The following GLIS3 variants were observed in gnomAD, a reference collection of about 807,000 sequenced individuals.
GLIS3 encodes the protein zinc finger protein GLIS3.
Under a neutral mutation model 78.6 loss-of-function variants are expected in GLIS3, and 53 were observed. The ratio of observed to expected loss-of-function variants is 0.67; its 90% CI spans 0.54 to 0.85. GLIS3 has a LOEUF of 0.85. Among genes scored for constraint, GLIS3 ranks in the 40% least tolerant of loss-of-function variants. The pLI, the probability that GLIS3 is intolerant of heterozygous loss-of-function variation, is 0.00. For synonymous variants in GLIS3, 684 were observed against 509.9 expected (o/e 1.34, Z -4.60); for missense variants, 1,703 against 1,231.1 (o/e 1.38, Z -5.74).
chr9:3,995,705 T>A (rs754508332), intron 4 of GLIS3, among the ~76,000 whole-genome samples: 1 of 152,086 alleles, frequency 6.6e-6, no homozygotes, highest in Non-Finnish European at 1.5e-5. Context: ...AAGACACAGC[T>A]AAAGAGAGAC....
chr9:4,323,232 G>A (rs911234602), intron 2 of GLIS3, among the ~76,000 whole-genome samples: 2 of 152,102 alleles, frequency 1.3e-5, no homozygotes, highest in Non-Finnish European at 2.9e-5. Flanking sequence ...GTAGATGTGT[G>A]ATATCAAACT....
intron 1 of GLIS3, among the ~76,000 whole-genome samples, chr9:4,287,080 T>G (rs1368823839): frequency 1.3e-5 from 2 of 152,218 alleles, no homozygotes; most frequent in African/African-American, 4.8e-5. Flanking sequence ...CATAAAATTT[T>G]TATATATCCA....
rs769275994 is a variant in GLIS3, at chr9:4,118,140, C to T, written c.1338G>A (p.Ala446=). 2 of 1,547,338 alleles carry T rather than the reference C, an allele frequency of 1.3e-6. No individual in the cohort carries two copies. Among genetic ancestry groups the T allele is most frequent in the Non-Finnish European group, 1.7e-6 (2 of 1,145,732 alleles). Residue 446 remains alanine (A), a synonymous_variant, in exon 4 of 11, where the codon GCG becomes GCA. Coordinates refer to ENST00000381971, the MANE Select transcript of GLIS3 (RefSeq NM_001042413.2). This position sits in a 1 kb window ranked among gnomAD's most constrained non-coding sequence, Gnocchi z 4.7. ...GCGGCGGCAGAGGAGGGAGCGGAGG[C>T]GCGGGGGGTAGGTCTACGGTGCTGC... is the stretch of plus-strand genomic sequence containing the variant. The part of the protein sequence containing the change: ...FPGSTVDLPP[A]PPLPPLPPPP...
At chr9:4,177,742 G>C (rs1816936408) in intron 2 of GLIS3, among the ~76,000 whole-genome samples, 1 of 152,212 alleles carries the variant, frequency 6.6e-6, no homozygotes, top group Admixed American at 6.5e-5. Context: ...ATCTTCATAT[G>C]GAAAGTGTTC....
the GLIS3 span, among the ~76,000 whole-genome samples, chr9:4,438,157 C>G: frequency 6.6e-6 from 1 of 152,150 alleles, no homozygotes; most frequent in Non-Finnish European, 1.5e-5. Flanking sequence ...TAAATGGCTT[C>G]TTTTGAATTT....
intron 4 of GLIS3, among the ~76,000 whole-genome samples, chr9:4,041,872 T>C (rs1309680651): frequency 1.3e-5 from 2 of 152,186 alleles, no homozygotes; most frequent in Non-Finnish European, 2.9e-5. Flanking sequence ...GTCTTAGTGA[T>C]TATGCTTCTG....
At chr9:3,999,906 T>C (rs1229430760) in intron 4 of GLIS3, among the ~76,000 whole-genome samples, 1 of 151,870 alleles carries the variant, frequency 6.6e-6, no homozygotes, top group African/African-American at 2.4e-5. Context: ...GATAGAAAAA[T>C]AGAGAAATGG....
chr9:4,259,246 TTTA>T (rs368485897), intron 2 of GLIS3, among the ~76,000 whole-genome samples: 128,380 of 151,308 alleles, frequency 0.85, 54,638 homozygotes, highest in East Asian at 0.98. Flanking sequence ...GCTCATTTCA[TTTA>T]TTTATTTATT....
chr9:4,340,147 C>G (rs1817813986), intron 2 of GLIS3, among the ~76,000 whole-genome samples: 1 of 151,818 alleles, frequency 6.6e-6, no homozygotes, highest in Non-Finnish European at 1.5e-5. Context: ...TTTCTACAGC[C>G]TTCTCCATAC....
chr9:4,178,934 C>T (rs1289756690), intron 2 of GLIS3, among the ~76,000 whole-genome samples: 3 of 152,082 alleles, frequency 2.0e-5, no homozygotes, highest in African/African-American at 7.2e-5. Context: ...TTTTATTTTA[C>T]AGTTTCTACT....
chr9:3,931,319 G>T (rs1238067786), intron 6 of GLIS3, among the ~76,000 whole-genome samples: 1 of 151,986 alleles, frequency 6.6e-6, no homozygotes. Context: ...GAAGACTATA[G>T]AGCATTTCCC....
At chr9:4,308,762 A>G (rs1817290788) in intron 4 of GLIS3, 1 of 152,266 alleles carries the variant, frequency 6.6e-6, no homozygotes, top group South Asian at 2.1e-4. Context: ...GCCCTCTTTG[A>G]TCTCTTTGTC....
the GLIS3 span, among the ~76,000 whole-genome samples, chr9:4,406,154 G>A: frequency 6.6e-6 from 1 of 152,048 alleles, no homozygotes; most frequent in South Asian, 2.1e-4. Flanking sequence ...TTTCTTCTTA[G>A]ATCTGGAAGA....
intron 8 of GLIS3, among the ~76,000 whole-genome samples, chr9:3,878,011 C>T (rs553716822): frequency 6.6e-6 from 1 of 152,316 alleles, no homozygotes; most frequent in Non-Finnish European, 1.5e-5. Context: ...TATCTGACTT[C>T]ATCAGCCATG....
chr9:4,466,850 G>C, the GLIS3 span, among the ~76,000 whole-genome samples: 3 of 152,232 alleles, frequency 2.0e-5, no homozygotes, highest in African/African-American at 7.2e-5. Context: ...CATCCAGGAA[G>C]TGCAAGGGGG....
intron 2 of GLIS3, among the ~76,000 whole-genome samples, chr9:4,134,962 G>T (rs1374090611): frequency 6.6e-6 from 1 of 152,118 alleles, no homozygotes; most frequent in South Asian, 2.1e-4. Flanking sequence ...ATTCTACAGT[G>T]CAGTCAGCAG....
chr9:4,205,574 T>C (rs970919603), intron 2 of GLIS3, among the ~76,000 whole-genome samples: 3 of 152,174 alleles, frequency 2.0e-5, no homozygotes, highest in Non-Finnish European at 4.4e-5. Flanking sequence ...GGTGGGGGCT[T>C]GGAAGGTGAG....
intron 2 of GLIS3, among the ~76,000 whole-genome samples, chr9:4,187,636 T>C (rs7873704): frequency 1.3e-5 from 2 of 152,228 alleles, no homozygotes; most frequent in African/African-American, 4.8e-5. Flanking sequence ...GAGCATGGAA[T>C]GTTCTTCCAT....
At chr9:4,185,094 T>A (rs993396619) in intron 2 of GLIS3, among the ~76,000 whole-genome samples, 2 of 152,196 alleles carry the variant, frequency 1.3e-5, no homozygotes, top group Admixed American at 6.6e-5. Flanking sequence ...GATACCTATA[T>A]ATAGTTAATC....
Sources: allele counts gnomAD v4.1 joint callset (sites outside exome capture counted in the v4.1 genomes callset), GRCh38; gene constraint gnomAD v4.1.1; non-coding constraint Gnocchi (gnomAD v3.1); transcripts MANE v1.5; gene names NCBI Gene and HGNC (gene_info 2026-07-23, HGNC 2026-07-21).